PPP1R12B: variants seen among roughly 807,000 people sequenced by gnomAD.
PPP1R12B encodes the protein myosin phosphatase target subunit 2.
A neutral mutation model predicts 126.1 loss-of-function variants in PPP1R12B; 76 were observed. The observed-to-expected ratio is 0.60, with a 90% CI of 0.50 to 0.73. The LOEUF is 0.73. Ranked by LOEUF, PPP1R12B falls within the 30% of genes least tolerant of loss-of-function variation. The pLI is 0.00. For synonymous variants in PPP1R12B, 356 were observed against 434.7 expected (o/e 0.82, Z 2.25); for missense variants, 1,052 against 1,205.1 (o/e 0.87, Z 1.88).
intron 8 of PPP1R12B, among the ~76,000 whole-genome samples, chr1:202,433,279 C>T (rs576690953): frequency 6.0e-4 from 92 of 152,210 alleles, no homozygotes; most frequent in African/African-American, 2.0e-3. Flanking sequence ...TGTTAGTTGC[C>T]AAGGTATGAG....
At chr1:202,375,697 T>G (rs1253624779) in intron 1 of PPP1R12B, among the ~76,000 whole-genome samples, 1 of 152,220 alleles carries the variant, frequency 6.6e-6, no homozygotes, top group Non-Finnish European at 1.5e-5. Context: ...TCTACAGGTG[T>G]GTGCCACCAT....
At chr1:202,523,993 G>A (rs1197553452) in intron 18 of PPP1R12B, among the ~76,000 whole-genome samples, 6 of 152,278 alleles carry the variant, frequency 3.9e-5, no homozygotes, top group Non-Finnish European at 7.4e-5. Context: ...GATTACAGAT[G>A]TGAGCTACCG....
chr1:202,537,427 C>T (rs1405374191), intron 18 of PPP1R12B, among the ~76,000 whole-genome samples: 1 of 152,034 alleles, frequency 6.6e-6, no homozygotes, highest in Non-Finnish European at 1.5e-5. Context: ...TATGCAACCA[C>T]CATTGTATGT....
At chr1:202,438,840 A>G in intron 10 of PPP1R12B, 3 of 1,009,462 alleles carry the variant, frequency 3.0e-6, no homozygotes, top group Non-Finnish European at 4.7e-6. Context: ...GGAGACGGCC[A>G]TGGTCACTGC....
At chr1:202,515,144 GGGAGGAGGGTA>G (rs1235982278) in intron 18 of PPP1R12B, among the ~76,000 whole-genome samples, 2 of 152,158 alleles carry the variant, frequency 1.3e-5, no homozygotes, top group Admixed American at 6.5e-5. Flanking sequence ...GTCTACTTGA[GGGAGGAGGGTA>G]GGAGGAGGGA....
At chr1:202,449,989 G>A (rs36078838) in intron 13 of PPP1R12B, among the ~76,000 whole-genome samples, 31 of 152,128 alleles carry the variant, frequency 2.0e-4, no homozygotes, top group Non-Finnish European at 3.8e-4. Flanking sequence ...CCCGGCTGTC[G>A]TTATGGATTT....
chr1:202,368,565 T>C (rs1313403906), intron 1 of PPP1R12B, among the ~76,000 whole-genome samples: 2 of 152,158 alleles, frequency 1.3e-5, no homozygotes, highest in African/African-American at 2.4e-5. Context: ...TTTGCCTCCT[T>C]TGAAAGTTCT....
chr1:202,492,335 A>T (rs1678983759), intron 14 of PPP1R12B, among the ~76,000 whole-genome samples: 1 of 152,216 alleles, frequency 6.6e-6, no homozygotes, highest in African/African-American at 2.4e-5. Context: ...ATTAATAGTA[A>T]AAAAGCTGGG....
chr1:202,389,920 C>CGG (rs1663851813), intron 1 of PPP1R12B, among the ~76,000 whole-genome samples: 1 of 118,790 alleles, frequency 8.4e-6, no homozygotes, highest in Non-Finnish European at 1.7e-5. Flanking sequence ...GAGCGGGACT[C>CGG]TGTCTCAAAA....
At chr1:202,540,882 A>G (rs1685055136) in intron 18 of PPP1R12B, among the ~76,000 whole-genome samples, 1 of 152,232 alleles carries the variant, frequency 6.6e-6, no homozygotes, top group African/African-American at 2.4e-5. Context: ...TTGGCCATTG[A>G]CAACCAGCTG....
At chr1:202,517,792 AT>A (rs375496292) in intron 18 of PPP1R12B, among the ~76,000 whole-genome samples, 3 of 151,886 alleles carry the variant, frequency 2.0e-5, no homozygotes, top group African/African-American at 7.3e-5. Context: ...TGCCCCTCTA[AT>A]TTTGGTATTT....
intron 18 of PPP1R12B, among the ~76,000 whole-genome samples, chr1:202,545,052 A>G (rs1280629413): frequency 6.6e-6 from 1 of 152,196 alleles, no homozygotes; most frequent in Non-Finnish European, 1.5e-5. Context: ...TACATCCAAC[A>G]CTACATCTGA....
At position 202,586,791 on chromosome 1, in the gene PPP1R12B, T is replaced by TAAGTA; in HGVS notation, c.*6233_*6237dup. The TAAGTA allele has an allele frequency of 6.6e-6, 1 of 152,292 alleles. No individual in the cohort carries two copies. Among genetic ancestry groups the TAAGTA allele is most frequent in the Admixed American group, 6.5e-5 (1 of 15,300 alleles). The allele number at this position is 152,292 out of a possible 1,614,324, so 9.4% of individuals were successfully genotyped here. A position where few individuals can be genotyped will look rare whatever the true frequency, so the allele number is the denominator to read the frequency against. On this transcript the variant is annotated 3_prime_UTR_variant, in exon 24 of 24. Transcript: ENST00000608999. ...CGGAAGCCCTCCTTCGGGAGAACTGTAAGTAAGAGGTGGGTGTGTCTAAAG... is the reference window on the plus strand; with the variant it reads ...CGGAAGCCCTCCTTCGGGAGAACTGTAAGTAAAGTAAGAGGTGGGTGTGTCTAAAG...
intron 1 of PPP1R12B, among the ~76,000 whole-genome samples, chr1:202,378,015 T>G (rs966226357): frequency 6.6e-6 from 1 of 151,398 alleles, no homozygotes; most frequent in Non-Finnish European, 1.5e-5. Context: ...ATTTTTTGTA[T>G]TTTTAGTAGA....
intron 1 of PPP1R12B, among the ~76,000 whole-genome samples, chr1:202,380,873 G>T (rs1330313646): frequency 6.6e-6 from 1 of 152,212 alleles, no homozygotes; most frequent in Non-Finnish European, 1.5e-5. Flanking sequence ...GTCTTTGAAA[G>T]TCACTGTCTT....
At chr1:202,477,168 TGTA>T (rs971173966) in intron 13 of PPP1R12B, among the ~76,000 whole-genome samples, 2 of 152,202 alleles carry the variant, frequency 1.3e-5, no homozygotes, top group Non-Finnish European at 2.9e-5. Context: ...ATGAAAATAA[TGTA>T]GTAGTAAGAG....
intron 13 of PPP1R12B, among the ~76,000 whole-genome samples, chr1:202,454,147 A>C (rs1368093248): frequency 6.6e-6 from 1 of 152,228 alleles, no homozygotes; most frequent in African/African-American, 2.4e-5. Context: ...TGCATTATTA[A>C]ATACCTTGTT....
chr1:202,512,729 T>G (rs995502803), intron 18 of PPP1R12B, among the ~76,000 whole-genome samples: 1 of 152,200 alleles, frequency 6.6e-6, no homozygotes, highest in African/African-American at 2.4e-5. Flanking sequence ...CTCCCATCTT[T>G]GAGCTTTCAT....
chr1:202,384,536 G>T (rs1180459042), intron 1 of PPP1R12B, among the ~76,000 whole-genome samples: 1 of 152,158 alleles, frequency 6.6e-6, no homozygotes, highest in Non-Finnish European at 1.5e-5. Context: ...ATTAATAGTT[G>T]CTAAGGGCTT....
Sources: gnomAD v4.1 joint callset for allele counts (sites outside exome capture counted in the v4.1 genomes callset) on GRCh38, gnomAD v4.1.1 for gene constraint, MANE v1.5 for transcripts, NCBI Gene and HGNC (gene_info 2026-07-23, HGNC 2026-07-21) for gene names.